PTPRD: variants seen among roughly 807,000 people sequenced by gnomAD.
The protein encoded by PTPRD is protein tyrosine phosphatase receptor type D.
In PTPRD, 34 loss-of-function variants were observed where a neutral mutation model predicts 214.5. That is an observed-to-expected ratio of 0.16 (90% CI 0.12 to 0.21). PTPRD has a LOEUF of 0.21. Among genes scored for constraint, PTPRD ranks in the 10% least tolerant of loss-of-function variants. The pLI, the probability that PTPRD is intolerant of heterozygous loss-of-function variation, is 1.00. For missense variants in PTPRD, 2,545 were observed against 2,398.7 expected (o/e 1.06, Z -1.27); for synonymous variants, 1,128 against 845.7 (o/e 1.33, Z -5.79).
chr9:10,261,080 T>C (rs1438692582), intron 3 of PTPRD, among the ~76,000 whole-genome samples: 2 of 114,338 alleles, frequency 1.7e-5, no homozygotes, highest in East Asian at 2.7e-4. Context: ...TATATATGTG[T>C]GTATATATAT....
At chr9:10,145,847 T>C (rs2099018649) in intron 3 of PTPRD, among the ~76,000 whole-genome samples, 1 of 152,052 alleles carries the variant, frequency 6.6e-6, no homozygotes, top group Non-Finnish European at 1.5e-5. Context: ...AAAATGGACA[T>C]AATGGCAAAA....
At chr9:10,256,671 C>T (rs557753834) in intron 3 of PTPRD, among the ~76,000 whole-genome samples, 19 of 152,206 alleles carry the variant, frequency 1.2e-4, no homozygotes, top group East Asian at 1.9e-4. Flanking sequence ...ACCAAGTCTC[C>T]GTCCCATTAA....
At chr9:9,541,079 A>T (rs2077492029) in intron 8 of PTPRD, among the ~76,000 whole-genome samples, 1 of 151,862 alleles carries the variant, frequency 6.6e-6, no homozygotes, top group South Asian at 2.1e-4. Flanking sequence ...TTGCTGAGTG[A>T]CAGGAAGAGG....
chr9:9,854,712 C>T (rs899339385), intron 5 of PTPRD, among the ~76,000 whole-genome samples: 1 of 151,454 alleles, frequency 6.6e-6, no homozygotes, highest in African/African-American at 2.4e-5. Flanking sequence ...TTTTTTAAAT[C>T]CCTTTCAACT....
intron 2 of PTPRD, among the ~76,000 whole-genome samples, chr9:10,560,936 TAGA>T (rs1460333928): frequency 6.6e-6 from 1 of 152,186 alleles, no homozygotes; most frequent in Non-Finnish European, 1.5e-5. Flanking sequence ...GTGCTTAACC[TAGA>T]AGAAGTGTGA....
intron 2 of PTPRD, among the ~76,000 whole-genome samples, chr9:10,488,200 T>C (rs1291526965): frequency 6.6e-6 from 1 of 151,780 alleles, no homozygotes; most frequent in Admixed American, 6.6e-5. Flanking sequence ...ACCCCATCTC[T>C]ACTAAAAATA....
intron 11 of PTPRD, among the ~76,000 whole-genome samples, chr9:8,882,742 G>A (rs527755977): frequency 5.3e-5 from 8 of 152,000 alleles, no homozygotes; most frequent in Non-Finnish European, 7.4e-5. Context: ...AAAATTAGCC[G>A]AGCATGGTGG....
intron 6 of PTPRD, among the ~76,000 whole-genome samples, chr9:9,759,750 G>A (rs1998549): frequency 2.0e-3 from 300 of 151,710 alleles, no homozygotes; most frequent in African/African-American, 6.9e-3. Context: ...GTAGAGACGG[G>A]GTTTCACCAT....
At chr9:10,393,917 C>A (rs1346302953) in intron 2 of PTPRD, among the ~76,000 whole-genome samples, 1 of 147,974 alleles carries the variant, frequency 6.8e-6, no homozygotes, top group Non-Finnish European at 1.5e-5. Flanking sequence ...ATACATTATG[C>A]TTGATTATAT....
chr9:9,728,070 C>G (rs986833239), intron 7 of PTPRD, among the ~76,000 whole-genome samples: 1 of 152,076 alleles, frequency 6.6e-6, no homozygotes, highest in Non-Finnish European at 1.5e-5. Context: ...TGCGATCTGA[C>G]GGCTTTATAA....
intron 31 of PTPRD, among the ~76,000 whole-genome samples, chr9:8,467,617 T>A (rs1283455349): frequency 3.3e-5 from 5 of 151,920 alleles, no homozygotes; most frequent in Non-Finnish European, 1.5e-5. Flanking sequence ...TATAATGTAA[T>A]TTACTTAATG....
intron 11 of PTPRD, among the ~76,000 whole-genome samples, chr9:8,790,810 TTATTC>T (rs1437742475): frequency 2.0e-5 from 3 of 150,596 alleles, no homozygotes; most frequent in Non-Finnish European, 4.4e-5. Flanking sequence ...ATGTTGTACT[TTATTC>T]TATAGACCTA....
chr9:9,767,859 C>G (rs1474952056), intron 5 of PTPRD, among the ~76,000 whole-genome samples: 1 of 152,072 alleles, frequency 6.6e-6, no homozygotes, highest in Non-Finnish European at 1.5e-5. Context: ...ATCCAGTAAA[C>G]TGGATTCAGA....
intron 2 of PTPRD, among the ~76,000 whole-genome samples, chr9:10,445,970 G>A (rs2098796042): frequency 6.6e-6 from 1 of 152,050 alleles, no homozygotes; most frequent in South Asian, 2.1e-4. Flanking sequence ...ACCAAAATGT[G>A]TGTATTCAGA....
intron 32 of PTPRD, among the ~76,000 whole-genome samples, chr9:8,463,085 C>A (rs1290044232): frequency 6.6e-6 from 1 of 151,572 alleles, no homozygotes; most frequent in Non-Finnish European, 1.5e-5. Flanking sequence ...TTTTAACCTG[C>A]ATCTTTAAAA....
chr9:9,805,841 T>C (rs559453457), intron 5 of PTPRD, among the ~76,000 whole-genome samples: 3 of 152,084 alleles, frequency 2.0e-5, no homozygotes, highest in Non-Finnish European at 4.4e-5. Flanking sequence ...GAGTGAGAAA[T>C]AGAGCTTAGA....
intron 2 of PTPRD, among the ~76,000 whole-genome samples, chr9:10,451,553 C>A (rs1183672141): frequency 1.3e-5 from 2 of 151,384 alleles, no homozygotes; most frequent in Non-Finnish European, 2.9e-5. Flanking sequence ...TATCTGTAAT[C>A]GGATGATTAA....
At chr9:9,394,033 T>C (rs988000634) in intron 9 of PTPRD, among the ~76,000 whole-genome samples, 7 of 152,170 alleles carry the variant, frequency 4.6e-5, no homozygotes, top group Non-Finnish European at 7.3e-5. Context: ...AAGACATTTT[T>C]AAACCATACA....
At chr9:10,274,533 T>C (rs924753088) in intron 3 of PTPRD, among the ~76,000 whole-genome samples, 1 of 152,192 alleles carries the variant, frequency 6.6e-6, no homozygotes, top group Non-Finnish European at 1.5e-5. Flanking sequence ...AAGACAAGTA[T>C]GGCTTTGGCC....
Sources: gnomAD v4.1 joint callset for allele counts (sites outside exome capture counted in the v4.1 genomes callset) on GRCh38, gnomAD v4.1.1 for gene constraint, MANE v1.5 for transcripts, NCBI Gene and HGNC (gene_info 2026-07-23, HGNC 2026-07-21) for gene names.